The following CFHR3 variants were observed in gnomAD, a reference collection of about 807,000 sequenced individuals.
CFHR3 encodes the protein complement factor H-related protein 3.
A neutral mutation model predicts 36.0 loss-of-function variants in CFHR3; 22 were observed. The ratio of observed to expected loss-of-function variants is 0.61; its 90% CI spans 0.44 to 0.87. The LOEUF (loss-of-function observed/expected upper bound fraction) is 0.87, where lower values mean the gene tolerates loss of function less well. Ranked by LOEUF, CFHR3 falls within the 40% of genes least tolerant of loss-of-function variation. The pLI is 0.00. For missense variants in CFHR3, 276 were observed against 401.3 expected (o/e 0.69, Z 2.67); for synonymous variants, 97 against 137.4 (o/e 0.71, Z 2.06).
chr1:196,790,745 TAAATAAATAAATA>T lies in CFHR3; in HGVS notation c.796+521_796+533del. Among the ~76,000 whole-genome samples the T allele has an allele frequency of 3.3e-5, 2 of 61,076 alleles. 1 individual carries two copies. Among genetic ancestry groups the T allele is most frequent in the Non-Finnish European group, 5.6e-5 (2 of 35,914 alleles). The allele number at this position is 61,076 out of a possible 152,430, so 40.1% of individuals were successfully genotyped here. ...TCTCCAAAAATAAAAAAATAATAAA[TAAATAAATAAATA>T]AATAAATAAATAAATAAATAAATAA... is the stretch of plus-strand genomic sequence containing the variant. On this transcript the variant is annotated intron_variant, in intron 5 of 5. Transcript: ENST00000367425.
intron 3 of CFHR3, among the ~76,000 whole-genome samples, chr1:196,781,380 G>C (rs1653941841): frequency 1.5e-5 from 2 of 135,458 alleles, no homozygotes; most frequent in African/African-American, 3.1e-5. Flanking sequence ...TCACCACACT[G>C]TCTTCCACAA....
chr1:196,790,738 TAATAAATAAATA>T (rs199831934), intron 5 of CFHR3, among the ~76,000 whole-genome samples: 1,343 of 106,240 alleles, frequency 0.013, 260 homozygotes, highest in African/African-American at 0.045. Context: ...AATAAAAAAA[TAATAAATAAATA>T]AATAAATAAA....
At position 196,775,383 on chromosome 1, in the gene CFHR3, T is replaced by C. The variant is rs1437809427; in HGVS notation, c.58+439T>C. ...ATTTATATATCAAAAAATCAAATAA[T>C]ACATTTTAAATTATGCAGTTTCTTA... On this transcript the variant is annotated intron_variant, in intron 1 of 5. Coordinates refer to ENST00000367425, the MANE Select transcript of CFHR3 (RefSeq NM_021023.6). 4.4e-5 allele frequency among the ~76,000 whole-genome samples: 6 copies of C among 137,318 alleles called. 1 individual carries two copies. Among genetic ancestry groups the C allele is most frequent in the South Asian group, 2.5e-4 (1 of 3,982 alleles). The allele number at this position is 137,318 out of a possible 152,430, so 90.1% of individuals were successfully genotyped here.
rs1402901083 is a variant in CFHR3 at position 196,792,556 on chromosome 1, A to G, written c.797-761A>G. Among the ~76,000 whole-genome samples the G allele has an allele frequency of 5.4e-5, 7 of 129,296 alleles. 1 individual carries two copies. Among genetic ancestry groups the G allele is most frequent in the Non-Finnish European group, 1.1e-4 (7 of 62,756 alleles). The allele number at this position is 129,296 out of a possible 152,430, so 84.8% of individuals were successfully genotyped here. A position where few individuals can be genotyped will look rare whatever the true frequency, so the allele number is the denominator to read the frequency against. The stretch of plus-strand genomic sequence containing the variant: ...AAAAAAAAATTATAAATTTTTTTAC[A>G]AAAGAATTTTATAAAAGAAAATCCA... On this transcript the variant is annotated intron_variant, in intron 5 of 5. Coordinates refer to ENST00000367425, the MANE Select transcript of CFHR3 (RefSeq NM_021023.6).
rs1218705724 is a variant in CFHR3 at position 196,790,884 on chromosome 1, C to G, written c.796+657C>G. Among the ~76,000 whole-genome samples, 3 of 135,816 alleles carry G rather than the reference C, an allele frequency of 2.2e-5. No individual in the cohort carries two copies. In the South Asian group the frequency reaches 7.6e-4, roughly 35 times the overall value. The allele number at this position is 135,816 out of a possible 152,430, so 89.1% of individuals were successfully genotyped here. ...ACAATGAGTCTTCAAGAATGACAACCATTTATTGCGCACATATGAAATATG... is the reference window on the plus strand; with the variant it reads ...ACAATGAGTCTTCAAGAATGACAACGATTTATTGCGCACATATGAAATATG... On this transcript the variant is annotated intron_variant, in intron 5 of 5. Transcript: ENST00000367425.
Position 196,794,431 on chromosome 1 carries a change from C to G in CFHR3, c.*918C>G, listed in dbSNP as rs763065873. The G allele has an allele frequency of 5.9e-6, 2 of 336,186 alleles. No individual in the cohort carries two copies. Among genetic ancestry groups the G allele is most frequent in the Non-Finnish European group, 1.2e-5 (2 of 173,090 alleles). The allele number at this position is 336,186 out of a possible 1,614,324, so 20.8% of individuals were successfully genotyped here. The stretch of plus-strand genomic sequence containing the variant: ...TGAGCCAAGATAGTGCCACTGCACT[C>G]CAGCCTGGGCAATAGAGTGAGACTC... On this transcript the variant is annotated 3_prime_UTR_variant, in exon 6 of 6. Transcript: ENST00000367425.
Position 196,790,543 on chromosome 1 carries a change from G to A in CFHR3, c.796+316G>A, listed in dbSNP as rs1020355139. Among the ~76,000 whole-genome samples the A allele has an allele frequency of 2.2e-5, 3 of 135,032 alleles. 1 individual carries two copies. The South Asian group carries it at 7.8e-4, about 35-fold the overall frequency. The allele number at this position is 135,032 out of a possible 152,430, so 88.6% of individuals were successfully genotyped here. ...AGTTCGAGATCAGCCTGACCAACAT[G>A]GTGAACCCCGTATCTACAAAAAATA... On this transcript the variant is annotated intron_variant, in intron 5 of 5. Transcript: ENST00000367425.
Position 196,789,869 on chromosome 1 carries a change from GTCC to G in CFHR3, c.614-171_614-169del, listed in dbSNP as rs1261847130. On this transcript the variant is annotated intron_variant, in intron 4 of 5. Transcript: ENST00000367425. Reference sequence around the variant, plus strand: ...GTACATATATGTACATATATATGTAGTCCTCCTATGAGTGTGAATTATCTTGAG... The same window carrying G: ...GTACATATATGTACATATATATGTAGTCCTATGAGTGTGAATTATCTTGAG... 97 of 1,134,362 alleles carry G rather than the reference GTCC, an allele frequency of 8.6e-5. 14 individuals are homozygous for G. The highest frequency in any genetic ancestry group is 1.1e-4 in the Non-Finnish European group (93 of 856,976). 70.3% of individuals were successfully genotyped at this position (1,134,362 alleles called of 1,614,324 possible).
chr1:196,792,117 G>C (rs1558204221), intron 5 of CFHR3, among the ~76,000 whole-genome samples: 2 of 128,242 alleles, frequency 1.6e-5, no homozygotes, highest in Non-Finnish European at 3.2e-5. Flanking sequence ...AATATGTTTG[G>C]AGAAGTATTT....
chr1:196,781,826 T>A (rs1653963548), intron 3 of CFHR3, among the ~76,000 whole-genome samples: 1 of 135,902 alleles, frequency 7.4e-6, no homozygotes, highest in South Asian at 2.6e-4. Context: ...ATTTGTCAAT[T>A]TTGGCTTTTG....
Position 196,793,669 on chromosome 1 carries a change from T to C in CFHR3, c.*156T>C, listed in dbSNP as rs1188733036. 10 of 711,156 alleles carry C rather than the reference T, an allele frequency of 1.4e-5. No individual in the cohort carries two copies. The highest frequency in any genetic ancestry group is 2.9e-5 in the Admixed American group (1 of 34,896). 44.1% of individuals were successfully genotyped at this position (711,156 alleles called of 1,614,324 possible). A position where few individuals can be genotyped will look rare whatever the true frequency, so the allele number is the denominator to read the frequency against. ...AATAGTTTCAATTTGCAACTTAATA[T>C]ATTCTCAAAAATATATTAAAACAAA... is the stretch of plus-strand genomic sequence containing the variant. On this transcript the variant is annotated 3_prime_UTR_variant, in exon 6 of 6. Coordinates refer to ENST00000367425, the MANE Select transcript of CFHR3 (RefSeq NM_021023.6).
chr1:196,793,315 A>C lies in CFHR3; in HGVS notation c.797-2A>C. ...TTGTTAATTGTTTTTTTCTGCTTTC[A>C]GATCCATGTATAATAACTGAAGAAA... On this transcript the variant is annotated splice_acceptor_variant, in intron 5 of 5. Transcript: ENST00000367425. LOFTEE classifies it high-confidence loss of function. 1 of 1,505,376 alleles carries C rather than the reference A, an allele frequency of 6.6e-7. No individual in the cohort carries two copies. The highest frequency in any genetic ancestry group is 9.0e-7 in the Non-Finnish European group (1 of 1,113,810). The allele number at this position is 1,505,376 out of a possible 1,614,324, so 93.3% of individuals were successfully genotyped here. A position where few individuals can be genotyped will look rare whatever the true frequency, so the allele number is the denominator to read the frequency against.
chr1:196,792,312 G>A (rs1415167069), intron 5 of CFHR3, among the ~76,000 whole-genome samples: 1 of 111,792 alleles, frequency 8.9e-6, no homozygotes, highest in Non-Finnish European at 1.7e-5. Context: ...GCTAATAAGG[G>A]CTAAACTAGA....
At position 196,790,791 on chromosome 1, in the gene CFHR3, GAAGAAGAA is replaced by G. The variant is rs569865960; in HGVS notation, c.796+570_796+577del. ...AAATAAATAAATAAATAAAACAGAA[GAAGAAGAA>G]AAGAAAAAGAGAAAAAGAAAAAACC... On this transcript the variant is annotated intron_variant, in intron 5 of 5. Coordinates refer to ENST00000367425, the MANE Select transcript of CFHR3 (RefSeq NM_021023.6). 8.2e-3 allele frequency among the ~76,000 whole-genome samples: 1,069 copies of G among 129,610 alleles called. 284 individuals are homozygous for G. Among genetic ancestry groups the G allele is most frequent in the African/African-American group, 0.034 (1,026 of 30,162 alleles). The allele number at this position is 129,610 out of a possible 152,430, so 85.0% of individuals were successfully genotyped here.
At position 196,777,982 on chromosome 1, in the gene CFHR3, T is replaced by TAAA. The variant is rs202127437; in HGVS notation, c.59-1162_59-1160dup. On this transcript the variant is annotated intron_variant, in intron 1 of 5. Coordinates refer to ENST00000367425, the MANE Select transcript of CFHR3 (RefSeq NM_021023.6). Reference sequence around the variant, plus strand: ...AGCCTTGGTGACAGAACAAGACTGTTAAAAAAAAAAAAAAAAAAAAGAAAA... The same window carrying TAAA: ...AGCCTTGGTGACAGAACAAGACTGTTAAAAAAAAAAAAAAAAAAAAAAAGAAAA... Among the ~76,000 whole-genome samples the TAAA allele has an allele frequency of 2.9e-3, 264 of 89,832 alleles. 12 individuals are homozygous for TAAA. The highest frequency in any genetic ancestry group is 0.012 in the African/African-American group (236 of 19,944). 58.9% of individuals were successfully genotyped at this position (89,832 alleles called of 152,430 possible).
chr1:196,785,424 G>A lies in CFHR3; in HGVS notation c.431-2792G>A, dbSNP rs1190889359. 2.9e-4 allele frequency among the ~76,000 whole-genome samples: 39 copies of A among 132,308 alleles called. 6 individuals are homozygous for A. Among genetic ancestry groups the A allele is most frequent in the Non-Finnish European group, 5.2e-4 (33 of 63,278 alleles). 86.8% of individuals were successfully genotyped at this position (132,308 alleles called of 152,430 possible). ...TTTCCAACTTGGTTCCATTCTCCCC[G>A]TCACTTTCAGGTACACCAATCAGAT... On this transcript the variant is annotated intron_variant, in intron 3 of 5. Transcript: ENST00000367425.
At chr1:196,785,147 C>T (rs1654141921) in intron 3 of CFHR3, among the ~76,000 whole-genome samples, 1 of 137,092 alleles carries the variant, frequency 7.3e-6, no homozygotes, top group African/African-American at 3.1e-5. Context: ...TCTCTTCTGG[C>T]TTGTAGAGTT....
At position 196,779,869 on chromosome 1, in the gene CFHR3, C is replaced by CCT. The variant is rs1653874682; in HGVS notation, c.326_327insCT (p.Thr110LeufsTer43). On this transcript the variant is annotated frameshift_variant, in exon 3 of 6. Coordinates refer to ENST00000367425, the MANE Select transcript of CFHR3 (RefSeq NM_021023.6). LOFTEE classifies it high-confidence loss of function. ...GGAAGAAAGTTTGTACAGGGTAACT[C>CCT]TACAGAAGTTGCCTGCCATCCTGGC... 2 of 1,533,092 alleles carry CCT rather than the reference C, an allele frequency of 1.3e-6. No homozygotes were observed. The highest frequency in any genetic ancestry group is 1.8e-6 in the Non-Finnish European group (2 of 1,133,368). The allele number at this position is 1,533,092 out of a possible 1,614,324, so 95.0% of individuals were successfully genotyped here.
intron 1 of CFHR3, among the ~76,000 whole-genome samples, chr1:196,776,722 G>C (rs1376118590): frequency 7.3e-6 from 1 of 136,306 alleles, no homozygotes; most frequent in Non-Finnish European, 1.6e-5. Flanking sequence ...AAATTTCTAT[G>C]AAATCAGTAG....
Sources: allele counts gnomAD v4.1 joint callset (sites outside exome capture counted in the v4.1 genomes callset), GRCh38; gene constraint gnomAD v4.1.1; transcripts MANE v1.5; gene names NCBI Gene and HGNC (gene_info 2026-07-23, HGNC 2026-07-21).